Variants in CDH4 observed in about 807,000 individuals in gnomAD.
CDH4 encodes the protein cadherin 4.
A neutral mutation model predicts 86.0 loss-of-function variants in CDH4; 33 were observed. That is an observed-to-expected ratio of 0.38 (90% CI 0.29 to 0.51). CDH4 has a LOEUF of 0.51. Among genes scored for constraint, CDH4 ranks in the 20% least tolerant of loss-of-function variants. The probability of loss-of-function intolerance (pLI) is 0.86; values close to 1 mark genes in which losing one functional copy is unlikely to be tolerated. For synonymous variants in CDH4, 555 were observed against 549.4 expected (o/e 1.01, Z -0.14); for missense variants, 1,114 against 1,307.4 (o/e 0.85, Z 2.28).
rs78909187 is a variant in CDH4 at position 61,299,889 on chromosome 20, G to A, written c.169+44952G>A. Reference sequence around the variant, plus strand: ...CCATAGAAGCCGCCAGCACTTCCCCGGGGGCATGACGCTTACAGGAGGTGT... The same window carrying A: ...CCATAGAAGCCGCCAGCACTTCCCCAGGGGCATGACGCTTACAGGAGGTGT... On this transcript the variant is annotated intron_variant, in intron 2 of 15. Transcript: ENST00000614565. 7.9e-3 allele frequency among the ~76,000 whole-genome samples: 1,210 copies of A among 152,272 alleles called. 6 individuals are homozygous for A. The highest frequency in any genetic ancestry group is 0.012 in the Non-Finnish European group (804 of 68,014).
intron 2 of CDH4, among the ~76,000 whole-genome samples, chr20:61,354,026 A>G (rs2084731796): frequency 6.6e-6 from 1 of 152,028 alleles, no homozygotes; most frequent in Non-Finnish European, 1.5e-5. Flanking sequence ...GATGGGGATT[A>G]TTCTGAAGAT....
intron 2 of CDH4, among the ~76,000 whole-genome samples, chr20:61,425,614 G>A (rs2085208863): frequency 6.6e-6 from 1 of 152,270 alleles, no homozygotes; most frequent in Admixed American, 6.5e-5. Context: ...AGAGCCCAGG[G>A]AAAACAGGGC....
In CDH4 at chr20:61,393,416, GA is replaced by G. The variant is rs112212041; in HGVS notation, c.169+138480del. On this transcript the variant is annotated intron_variant, in intron 2 of 15. Coordinates refer to ENST00000614565, the MANE Select transcript of CDH4 (RefSeq NM_001794.5). This position sits in a 1 kb window ranked among gnomAD's most constrained non-coding sequence, Gnocchi z 4.3. ...AACCACCAGCCCCTCTGATGTCGAG[GA>G]CCCCCAGGGATTGGCAAAATTAAAC... 0.01 allele frequency among the ~76,000 whole-genome samples: 1,568 copies of G among 152,252 alleles called. 23 individuals are homozygous for G. The highest frequency in any genetic ancestry group is 0.036 in the African/African-American group (1,498 of 41,522).
intron 2 of CDH4, among the ~76,000 whole-genome samples, chr20:61,338,821 G>A (rs1270946309): frequency 6.6e-6 from 1 of 152,172 alleles, no homozygotes; most frequent in African/African-American, 2.4e-5. Context: ...GAGAATCTTA[G>A]AGAAAGTTCC....
chr20:61,594,498 C>T (rs73138655), intron 2 of CDH4, among the ~76,000 whole-genome samples: 6,030 of 152,256 alleles, frequency 0.04, 184 homozygotes, highest in Middle Eastern at 0.082. Context: ...CAACAGCAGC[C>T]GGGGTTTCCA....
chr20:61,325,171 G>A (rs1457231128), intron 2 of CDH4, among the ~76,000 whole-genome samples: 1 of 151,996 alleles, frequency 6.6e-6, no homozygotes, highest in African/African-American at 2.4e-5. Context: ...TGGAAAGAGT[G>A]GACGGCATTT....
At chr20:61,771,009 T>C (rs1454083324) in intron 3 of CDH4, among the ~76,000 whole-genome samples, 2 of 138,130 alleles carry the variant, frequency 1.4e-5, no homozygotes, top group African/African-American at 5.3e-5. Flanking sequence ...TTTCTTTTTT[T>C]CTTTTTTTTT....
chr20:61,885,732 C>T (rs1042691406), intron 7 of CDH4, among the ~76,000 whole-genome samples: 1 of 152,214 alleles, frequency 6.6e-6, no homozygotes, highest in Non-Finnish European at 1.5e-5. Flanking sequence ...TGCACTCCCT[C>T]CTCCCACAGC....
At chr20:61,922,354 C>G (rs2054991855) in intron 9 of CDH4, among the ~76,000 whole-genome samples, 1 of 152,178 alleles carries the variant, frequency 6.6e-6, no homozygotes, top group Admixed American at 6.5e-5. Context: ...TTGAGCGAAG[C>G]TTTTCTGATA....
At chr20:61,886,468 GA>G (rs1984542925) in intron 7 of CDH4, among the ~76,000 whole-genome samples, 1 of 152,202 alleles carries the variant, frequency 6.6e-6, no homozygotes, top group Admixed American at 6.5e-5. Flanking sequence ...ACTTTTTAAT[GA>G]ATTCTCTGCA....
At chr20:61,401,653 C>A (rs1302334038) in intron 2 of CDH4, among the ~76,000 whole-genome samples, 1 of 152,184 alleles carries the variant, frequency 6.6e-6, no homozygotes, top group Non-Finnish European at 1.5e-5. Flanking sequence ...ATATCATGAC[C>A]TCTTAGACTG....
intron 4 of CDH4, among the ~76,000 whole-genome samples, chr20:61,779,152 G>A (rs1356771191): frequency 2.0e-5 from 3 of 152,228 alleles, no homozygotes; most frequent in Non-Finnish European, 2.9e-5. Context: ...TTTAAGAAGA[G>A]CATCTATTGC....
At chr20:61,311,728 A>T (rs2084446539) in intron 2 of CDH4, among the ~76,000 whole-genome samples, 2 of 152,260 alleles carry the variant, frequency 1.3e-5, no homozygotes, top group South Asian at 4.1e-4. Flanking sequence ...TTGAAAAAAA[A>T]ATTGACGAAC....
intron 2 of CDH4, among the ~76,000 whole-genome samples, chr20:61,333,252 C>T (rs1056198739): frequency 8.3e-6 from 1 of 121,010 alleles, no homozygotes; most frequent in Non-Finnish European, 1.7e-5. Context: ...CAGGCACATG[C>T]ACACACACAT....
intron 2 of CDH4, among the ~76,000 whole-genome samples, chr20:61,616,561 G>T (rs1254598876): frequency 6.6e-6 from 1 of 152,174 alleles, no homozygotes. Flanking sequence ...CTCCAGGGAG[G>T]GTCAGAGCTT....
At chr20:61,772,836 T>A (rs1006866259) in intron 3 of CDH4, among the ~76,000 whole-genome samples, 167 bp from the exon 4 acceptor site, 15 of 151,872 alleles carry the variant, frequency 9.9e-5, no homozygotes, top group African/African-American at 3.6e-4. Flanking sequence ...TCCCTAATAG[T>A]TCCTTTCCCA....
chr20:61,567,374 C>A (rs1006800342), intron 2 of CDH4, among the ~76,000 whole-genome samples: 2 of 152,210 alleles, frequency 1.3e-5, no homozygotes, highest in African/African-American at 4.8e-5. Flanking sequence ...AGAGAACCAG[C>A]AGATTCAGTG....
chr20:61,931,432 C>T (rs950416907), intron 13 of CDH4, among the ~76,000 whole-genome samples: 2 of 152,240 alleles, frequency 1.3e-5, no homozygotes, highest in African/African-American at 2.4e-5. Context: ...CACTCCGCTT[C>T]GGAATCCTCC....
intron 13 of CDH4, among the ~76,000 whole-genome samples, chr20:61,932,484 G>A (rs2055122532): frequency 6.6e-6 from 1 of 152,122 alleles, no homozygotes; most frequent in Non-Finnish European, 1.5e-5. Flanking sequence ...CACGCCCCAT[G>A]AGCATACACA....
Sources: allele counts gnomAD v4.1 joint callset (sites outside exome capture counted in the v4.1 genomes callset), GRCh38; gene constraint gnomAD v4.1.1; non-coding constraint Gnocchi (gnomAD v3.1); transcripts MANE v1.5; gene names NCBI Gene and HGNC (gene_info 2026-07-23, HGNC 2026-07-21).